The following PODNL1 variants were observed in gnomAD, a reference collection of about 807,000 sequenced individuals.
PODNL1 encodes the protein podocan like 1, also known as podocan-like protein 1.
Under a neutral mutation model 45.1 loss-of-function variants are expected in PODNL1, and 50 were observed. That is an observed-to-expected ratio of 1.11 (90% confidence interval 0.88 to 1.40). PODNL1 has a LOEUF of 1.40. PODNL1 is among the 40% of genes most tolerant of loss of function. PODNL1 has a pLI of 0.00. For missense variants in PODNL1, 788 were observed against 793.3 expected (o/e 0.99, Z 0.08); for synonymous variants, 406 against 372.5 (o/e 1.09, Z -1.04).
In PODNL1 at chr19:13,935,729, C is replaced by T. The variant is rs200371573; in HGVS notation, c.486G>A (p.Pro162=). 21 of 1,565,942 alleles carry T rather than the reference C, an allele frequency of 1.3e-5. No individual in the cohort carries two copies. Among genetic ancestry groups the T allele is most frequent in the Middle Eastern group, 1.7e-4 (1 of 5,860 alleles). Residue 162 remains proline, a synonymous_variant, in exon 5 of 10, where the codon CCG becomes CCA. Coordinates refer to ENST00000588872, the MANE Select transcript of PODNL1 (RefSeq NM_001370095.3). ...GCTGGGCCAGGGTCTACCTGAGTGC[C>T]GGCTTCTCCCCAAAGGTGAGGGGGA... ...EIFPLTFGEK[P]ALRSVYLHNN... is the part of the protein sequence containing the mutation.
At chr19:13,938,978 C>T (rs1599441501), upstream of PODNL1, among the ~76,000 whole-genome samples, 1 of 152,250 alleles carries the variant, frequency 6.6e-6, no homozygotes. Flanking sequence ...GCATTCAGAA[C>T]AGTGCCTGGC....
chr19:13,937,853 A>T lies in PODNL1; in HGVS notation c.157T>A (p.Cys53Ser). 6.3e-7 allele frequency: 1 copy of T among 1,594,242 alleles called. No individual in the cohort carries two copies. The highest frequency in any genetic ancestry group is 1.7e-4 in the Middle Eastern group (1 of 6,044). The change falls in exon 2 of 10, where the codon TGT becomes AGT. Residue 53 changes from cysteine to serine, a missense_variant. Coordinates refer to ENST00000588872, the MANE Select transcript of PODNL1 (RefSeq NM_001370095.3). ...CSCPRVDTVD[C>S]DGLDLRVFPD... ...AACACTCGAAGGTCCAAGCCATCAC[A>T]GTCCACAGTGTCGACTCGGGGGCAG...
rs1412227502 is a variant in PODNL1 at position 13,934,311 on chromosome 19, G to A, written c.594C>T (p.Asn198=). The change falls in exon 6 of 10, where the codon AAC becomes AAT. Residue 198 remains asparagine (N), a synonymous_variant. Transcript: ENST00000588872. ...GGCTGGGCGGCAGGTAGCTGAGCTG[G>A]TTGTTGGAGAGGCTGAGGGTGGCGA... is the stretch of plus-strand genomic sequence containing the variant. ...EAIATLSLSN[N]QLSYLPPSLP... is the part of the protein sequence containing the mutation. 7 of 1,550,842 alleles carry A rather than the reference G, an allele frequency of 4.5e-6. No homozygotes were observed. The highest frequency in any genetic ancestry group is 5.2e-6 in the Non-Finnish European group (6 of 1,151,844).
Position 13,935,712 on chromosome 19 carries a change from A to G in PODNL1, c.494+9T>C. The G allele has an allele frequency of 6.5e-7, 1 of 1,538,170 alleles. No homozygotes were observed. The highest frequency in any genetic ancestry group is 2.3e-5 in the East Asian group (1 of 43,888). The stretch of plus-strand genomic sequence containing the variant: ...GAGGCCTGGGGGCCTGGGCTGGGCC[A>G]GGGTCTACCTGAGTGCCGGCTTCTC... On this transcript the variant is annotated intron_variant, in intron 5 of 9. Transcript: ENST00000588872.
At chr19:13,952,850 C>T (rs1391565272) in intron 1 of PODNL1, among the ~76,000 whole-genome samples, 2 of 37,466 alleles carry the variant, frequency 5.3e-5, no homozygotes, top group Non-Finnish European at 9.9e-5. Context: ...GTGGTTGTGT[C>T]GGGTGACCGG....
intron 6 of PODNL1, 34 bp from the exon 7 acceptor site, chr19:13,934,027 T>A (rs1175175036): frequency 6.4e-7 from 1 of 1,557,070 alleles, no homozygotes; most frequent in Non-Finnish European, 8.7e-7. Flanking sequence ...GACTTGAGTC[T>A]GGGATGAGGG....
In PODNL1 at chr19:13,935,821, C is replaced by T; in HGVS notation, c.394G>A (p.Ala132Thr). ...LCVAHNKLSV[A>T]PQFLPRSLRV... is the part of the protein sequence containing the mutation. The stretch of plus-strand genomic sequence containing the variant: ...AGGGACCGGGGCAGAAACTGAGGGG[C>T]CACTGAGAGCTGTGGGGACACAGCC... The change falls in exon 5 of 10, where the codon GCC becomes ACC. Residue 132 changes from alanine to threonine, a missense_variant. Ala to Thr is a moderately conservative substitution (Grantham distance 58). This residue lies in a region of PODNL1 where 762 missense variants were observed against 750.9 expected (regional missense o/e 1.01). Coordinates refer to ENST00000588872, the MANE Select transcript of PODNL1 (RefSeq NM_001370095.3). 6.2e-7 allele frequency: 1 copy of T among 1,602,236 alleles called. No homozygotes were observed. The highest frequency in any genetic ancestry group is 8.5e-7 in the Non-Finnish European group (1 of 1,176,320).
At chr19:13,936,558 T>C (rs1315877817) in intron 2 of PODNL1, 98 bp from the exon 3 acceptor site, 1 of 890,792 alleles carries the variant, frequency 1.1e-6, no homozygotes, top group Admixed American at 2.0e-5. Context: ...ACCAGCCCCA[T>C]ACCATCATCA....
chr19:13,931,806 CCCTGCCGTGT>C lies in PODNL1; in HGVS notation c.1646_1655del (p.Asp549GlyfsTer7). ...GCCGGATCAGGACCTGCTCCGGATTCCCTGCCGTGTCCACCACACGCAGGTTTGGGAGCCC... is the reference window on the plus strand; with the variant it reads ...GCCGGATCAGGACCTGCTCCGGATTCCCACCACACGCAGGTTTGGGAGCCC... On this transcript the variant is annotated frameshift_variant, in exon 10 of 10. Transcript: ENST00000588872. LOFTEE classifies it low-confidence loss of function (END_TRUNC). The C allele has an allele frequency of 8.1e-7, 1 of 1,231,870 alleles. No individual in the cohort carries two copies. The highest frequency in any genetic ancestry group is 1.0e-6 in the Non-Finnish European group (1 of 987,894). The allele number at this position is 1,231,870 out of a possible 1,614,324, so 76.3% of individuals were successfully genotyped here.
chr19:13,953,166 TGA>T, exon 1 of PODNL1: 4 of 1,532,674 alleles, frequency 2.6e-6, no homozygotes, highest in Non-Finnish European at 3.5e-6. Flanking sequence ...TGGATAGGGC[TGA>T]GTCTTCCCCC....
chr19:13,947,053 A>AG (rs1972842120), intron 1 of PODNL1, among the ~76,000 whole-genome samples: 1 of 146,864 alleles, frequency 6.8e-6, no homozygotes, highest in African/African-American at 2.7e-5. Flanking sequence ...ACACAAAAAA[A>AG]CAAAAAAAAA....
rs1460168097 is a variant in PODNL1 at position 13,935,755 on chromosome 19, A to G, written c.460T>C (p.Phe154Leu). Residue 154 changes from phenylalanine to leucine, a missense_variant, in exon 5 of 10, where the codon TTC becomes CTC. Coordinates refer to ENST00000588872, the MANE Select transcript of PODNL1 (RefSeq NM_001370095.3). ...GGCTTCTCCCCAAAGGTGAGGGGGA[A>G]GATCTCCATCACTTGGTTGGCAGCC... is the stretch of plus-strand genomic sequence containing the variant. ...DLAANQVMEI[F>L]PLTFGEKPAL... 1 of 1,591,996 alleles carries G rather than the reference A, an allele frequency of 6.3e-7. No individual in the cohort carries two copies. Among genetic ancestry groups the G allele is most frequent in the East Asian group, 2.2e-5 (1 of 44,720 alleles).
chr19:13,938,996 A>G (rs1284880266), upstream of PODNL1, among the ~76,000 whole-genome samples: 3 of 152,250 alleles, frequency 2.0e-5, no homozygotes, highest in South Asian at 6.2e-4. Flanking sequence ...GGCATATCCC[A>G]GGGCTTTGGC....
upstream of PODNL1, chr19:13,938,607 G>T (rs75174729): frequency 1.8e-5 from 6 of 339,344 alleles, no homozygotes; most frequent in Non-Finnish European, 2.5e-5. Flanking sequence ...GGAGAGTTCC[G>T]AGAAGCAGGG....
At chr19:13,939,460 C>G (rs1972576103), upstream of PODNL1, among the ~76,000 whole-genome samples, 3 of 152,118 alleles carry the variant, frequency 2.0e-5, no homozygotes, top group Admixed American at 2.0e-4. Context: ...GATTTGCCCA[C>G]CTTGGCCTCC....
At chr19:13,942,504 T>C (rs986113356), upstream of PODNL1, among the ~76,000 whole-genome samples, 6 of 152,184 alleles carry the variant, frequency 3.9e-5, no homozygotes, top group Admixed American at 3.3e-4. Flanking sequence ...ACTGGCCTTA[T>C]CTTCCTGCAA....
At chr19:13,935,223 C>T (rs895665496) in intron 5 of PODNL1, among the ~76,000 whole-genome samples, 3 of 152,104 alleles carry the variant, frequency 2.0e-5, no homozygotes, top group Non-Finnish European at 2.9e-5. Context: ...GGCCCTGTCT[C>T]CCCGCTCACT....
At position 13,932,959 on chromosome 19, in the gene PODNL1, T is replaced by G. The variant is rs1407115150; in HGVS notation, c.1264A>C (p.Thr422Pro). Reference sequence around the variant, plus strand: ...TGCAGCTGCAGGGTGCGCAGGCCAGTGGGCAGGCCCATGGGCAGCCGGGTT... The same window carrying G: ...TGCAGCTGCAGGGTGCGCAGGCCAGGGGGCAGGCCCATGGGCAGCCGGGTT... ...QLTRLPMGLP[T>P]GLRTLQLQRN... Residue 422 changes from threonine (T) to proline (P), a missense_variant, in exon 8 of 10, where the codon ACT (threonine) becomes CCT (proline). Coordinates refer to ENST00000588872, the MANE Select transcript of PODNL1 (RefSeq NM_001370095.3). 24 of 1,559,308 alleles carry G rather than the reference T, an allele frequency of 1.5e-5. No homozygotes were observed. The highest frequency in any genetic ancestry group is 1.9e-5 in the Non-Finnish European group (22 of 1,157,510).
At chr19:13,935,394 TC>T (rs1176760134) in intron 5 of PODNL1, among the ~76,000 whole-genome samples, 1 of 152,126 alleles carries the variant, frequency 6.6e-6, no homozygotes, top group African/African-American at 2.4e-5. Context: ...TGGCACGATT[TC>T]GTCTCACTGC....
Sources: allele counts gnomAD v4.1 joint callset (sites outside exome capture counted in the v4.1 genomes callset), GRCh38; gene constraint gnomAD v4.1.1; regional missense constraint gnomAD v4.1.1; transcripts MANE v1.5; gene names NCBI Gene and HGNC (gene_info 2026-07-23, HGNC 2026-07-21).